The following CCDC146 variants were observed in gnomAD, a reference collection of about 807,000 sequenced individuals.
CCDC146 encodes the protein coiled-coil domain-containing protein 146.
CCDC146 carries 92 observed loss-of-function variants against 119.3 expected under a neutral mutation model. The observed-to-expected ratio is 0.77, with a 90% CI of 0.65 to 0.92. The LOEUF is 0.92. CCDC146 is among the 40% of genes least tolerant of loss of function. The probability of loss-of-function intolerance (pLI) is 0.00; values close to 1 mark genes in which losing one functional copy is unlikely to be tolerated. For synonymous variants in CCDC146, 372 were observed against 371.8 expected, an observed-to-expected ratio of 1.00 and a Z score of -0.01; for missense variants, 1,000 against 1,103.0, an observed-to-expected ratio of 0.91 and a Z score of 1.32.
chr7:77,133,521 T>C (rs1790816111), intron 1 of CCDC146, among the ~76,000 whole-genome samples: 1 of 152,046 alleles, frequency 6.6e-6, no homozygotes, highest in Non-Finnish European at 1.5e-5. Context: ...CTAGCTAATA[T>C]TTGTATTTTT....
chr7:77,216,406 A>G (rs997252142), intron 2 of CCDC146, among the ~76,000 whole-genome samples: 1 of 152,142 alleles, frequency 6.6e-6, no homozygotes, highest in Admixed American at 6.6e-5. Context: ...ATTCATTTAT[A>G]AAAAATAGTT....
chr7:77,271,554 A>G (rs1371300134), intron 9 of CCDC146, among the ~76,000 whole-genome samples: 1 of 94,260 alleles, frequency 1.1e-5, no homozygotes, highest in Non-Finnish European at 2.2e-5. Context: ...ATATATATAT[A>G]TATATATATA....
intron 4 of CCDC146, among the ~76,000 whole-genome samples, chr7:77,253,316 C>T (rs1340331554): frequency 6.6e-6 from 1 of 152,190 alleles, no homozygotes; most frequent in Non-Finnish European, 1.5e-5. Flanking sequence ...CTCTAGCATT[C>T]GTTATACCTC....
At chr7:77,293,554 A>G (rs1793991337) in intron 18 of CCDC146, among the ~76,000 whole-genome samples, 1 of 152,200 alleles carries the variant, frequency 6.6e-6, no homozygotes, top group Admixed American at 6.5e-5. Flanking sequence ...CTCAGACCAC[A>G]TCTGACTGTT....
chr7:77,185,526 G>A (rs1430816228), intron 2 of CCDC146, among the ~76,000 whole-genome samples: 3 of 152,166 alleles, frequency 2.0e-5, no homozygotes, highest in Non-Finnish European at 2.9e-5. Flanking sequence ...AAGAACCACA[G>A]TGTTTCTGTT....
At chr7:77,165,330 A>C (rs1242754540) in intron 1 of CCDC146, among the ~76,000 whole-genome samples, 1 of 152,068 alleles carries the variant, frequency 6.6e-6, no homozygotes, top group Non-Finnish European at 1.5e-5. Context: ...ATTTTTAAAT[A>C]CTTAAAATTT....
intron 5 of CCDC146, among the ~76,000 whole-genome samples, chr7:77,254,837 G>A (rs934703398): frequency 5.3e-5 from 8 of 152,132 alleles, no homozygotes; most frequent in Non-Finnish European, 7.4e-5. Flanking sequence ...AGATTCTGTG[G>A]TTGACACTAA....
chr7:77,233,338 C>T (rs551442604), intron 2 of CCDC146, among the ~76,000 whole-genome samples: 182 of 152,108 alleles, frequency 1.2e-3, no homozygotes, highest in Middle Eastern at 3.4e-3. Context: ...GTGATCTGCC[C>T]GCCTCAGCCT....
At position 77,286,781 on chromosome 7, in the gene CCDC146, T is replaced by C. The variant is rs773600321; in HGVS notation, c.2149-17T>C. 3.1e-6 allele frequency: 5 copies of C among 1,611,024 alleles called. No homozygotes were observed. The South Asian group carries it at 3.3e-5, about 11-fold the overall frequency. On this transcript the variant is annotated splice_polypyrimidine_tract_variant and intron_variant, in intron 15 of 18. Transcript: ENST00000285871. ...GCTAGAGCGTTCATTTTAAAGTTAA[T>C]GTTTTTTTCTTAATAGTTTTCACAG... is the stretch of plus-strand genomic sequence containing the variant.
intron 1 of CCDC146, among the ~76,000 whole-genome samples, chr7:77,155,397 A>G (rs1791164973): frequency 6.6e-6 from 1 of 152,060 alleles, no homozygotes; most frequent in South Asian, 2.1e-4. Flanking sequence ...TAGCCTTAAC[A>G]CTGTTGCAGT....
chr7:77,129,462 C>G (rs2117389457), intron 1 of CCDC146, among the ~76,000 whole-genome samples: 1 of 152,036 alleles, frequency 6.6e-6, no homozygotes, highest in East Asian at 1.9e-4. Flanking sequence ...AAGAAAAAAA[C>G]TATATGCTGA....
chr7:77,256,235 T>A, intron 5 of CCDC146, 98 bp from the exon 6 acceptor site: 1 of 819,654 alleles, frequency 1.2e-6, no homozygotes, highest in Non-Finnish European at 1.9e-6. Flanking sequence ...AAAACAAATA[T>A]AATCAAAATG....
At chr7:77,190,940 G>A (rs897294179) in intron 2 of CCDC146, among the ~76,000 whole-genome samples, 21 of 152,048 alleles carry the variant, frequency 1.4e-4, no homozygotes, top group Admixed American at 1.0e-3. Flanking sequence ...TTTTTCTTCA[G>A]GAATTCAGTA....
At chr7:77,165,022 T>C (rs1466567599) in intron 1 of CCDC146, among the ~76,000 whole-genome samples, 1 of 152,238 alleles carries the variant, frequency 6.6e-6, no homozygotes, top group Non-Finnish European at 1.5e-5. Flanking sequence ...ATTCATGTAT[T>C]TCAGAGATCA....
chr7:77,275,533 G>C (rs1169184984), intron 11 of CCDC146, among the ~76,000 whole-genome samples: 2 of 152,178 alleles, frequency 1.3e-5, no homozygotes, highest in Non-Finnish European at 2.9e-5. Flanking sequence ...AGTGGACAGG[G>C]CTGGCAGCTG....
intron 2 of CCDC146, among the ~76,000 whole-genome samples, chr7:77,171,777 A>G (rs1482427352): frequency 3.3e-5 from 5 of 152,204 alleles, no homozygotes; most frequent in African/African-American, 7.2e-5. Context: ...AAAAATCACA[A>G]CAACTTGAGT....
At chr7:77,176,301 C>T (rs1267887779) in intron 2 of CCDC146, among the ~76,000 whole-genome samples, 1 of 151,018 alleles carries the variant, frequency 6.6e-6, no homozygotes, top group Admixed American at 6.6e-5. Flanking sequence ...AATGCCATTT[C>T]AGTGATGAAG....
At chr7:77,218,373 G>A (rs547761010) in intron 2 of CCDC146, among the ~76,000 whole-genome samples, 1 of 151,804 alleles carries the variant, frequency 6.6e-6, no homozygotes, top group African/African-American at 2.4e-5. Flanking sequence ...AATCTCAAAT[G>A]CCCACAAGGC....
chr7:77,272,487 G>C (rs1490560976), intron 9 of CCDC146, among the ~76,000 whole-genome samples: 1 of 152,162 alleles, frequency 6.6e-6, no homozygotes, highest in Non-Finnish European at 1.5e-5. Context: ...TAGACAGTGT[G>C]ATATTCCTTT....
Sources: gnomAD v4.1 joint callset for allele counts (sites outside exome capture counted in the v4.1 genomes callset) on GRCh38, gnomAD v4.1.1 for gene constraint, MANE v1.5 for transcripts, NCBI Gene and HGNC (gene_info 2026-07-23, HGNC 2026-07-21) for gene names.